Variants in PRKCA observed in about 807,000 individuals in gnomAD.
The protein encoded by PRKCA is protein kinase C alpha type.
PRKCA carries 27 observed loss-of-function variants against 87.0 expected under a neutral mutation model. That is an observed-to-expected ratio of 0.31 (90% CI 0.23 to 0.43). PRKCA has a LOEUF of 0.43. PRKCA is among the 20% of genes least tolerant of loss of function. The probability of loss-of-function intolerance (pLI) is 1.00; values close to 1 mark genes in which losing one functional copy is unlikely to be tolerated. For synonymous variants in PRKCA, 329 were observed against 311.1 expected (o/e 1.06, Z -0.61); for missense variants, 518 against 852.3 (o/e 0.61, Z 4.88).
chr17:66,713,460 C>G (rs1973390987), intron 8 of PRKCA, among the ~76,000 whole-genome samples: 1 of 152,132 alleles, frequency 6.6e-6, no homozygotes, highest in Admixed American at 6.5e-5. Context: ...CACCCTACTC[C>G]CACCTGCAGC....
At chr17:66,492,461 A>G (rs1357574630) in intron 2 of PRKCA, among the ~76,000 whole-genome samples, 1 of 152,230 alleles carries the variant, frequency 6.6e-6, no homozygotes, top group Non-Finnish European at 1.5e-5. Flanking sequence ...GGGATTTGAT[A>G]AGTGTGAGTT....
intron 16 of PRKCA, among the ~76,000 whole-genome samples, chr17:66,796,094 TC>T (rs1568039238): frequency 1.3e-5 from 2 of 152,120 alleles, no homozygotes; most frequent in East Asian, 1.9e-4. Flanking sequence ...GGGGTCCCAA[TC>T]CCTTAGAAAA....
At chr17:66,521,096 C>T (rs1385721862) in intron 3 of PRKCA, among the ~76,000 whole-genome samples, 2 of 151,914 alleles carry the variant, frequency 1.3e-5, no homozygotes, top group Non-Finnish European at 2.9e-5. Flanking sequence ...CAAACTGCAG[C>T]TCCAACTAAT....
intron 3 of PRKCA, among the ~76,000 whole-genome samples, chr17:66,626,661 C>T (rs62072360): frequency 0.13 from 20,075 of 151,884 alleles, 1,556 homozygotes; most frequent in African/African-American, 0.2. Context: ...TGAGCCATCA[C>T]GCCCAGCCTA....
At chr17:66,749,339 A>C (rs1359460440) in intron 13 of PRKCA, among the ~76,000 whole-genome samples, 1 of 116,292 alleles carries the variant, frequency 8.6e-6, no homozygotes, top group African/African-American at 3.3e-5. Flanking sequence ...CTCCCTTTCC[A>C]CTCTCCAATT....
At chr17:66,401,749 C>G (rs2073168159) in intron 2 of PRKCA, among the ~76,000 whole-genome samples, 1 of 152,128 alleles carries the variant, frequency 6.6e-6, no homozygotes, top group African/African-American at 2.4e-5. Flanking sequence ...AGTGGTGAGA[C>G]AGAGGGAACA....
At chr17:66,732,588 C>A in intron 8 of PRKCA, 100 bp from the exon 9 acceptor site, 2 of 1,459,976 alleles carry the variant, frequency 1.4e-6, no homozygotes, top group Non-Finnish European at 1.9e-6. Flanking sequence ...CCCCATCCCA[C>A]CTCCAAGCAA....
chr17:66,639,548 T>C (rs1310757003), intron 3 of PRKCA, among the ~76,000 whole-genome samples: 1 of 151,988 alleles, frequency 6.6e-6, no homozygotes, highest in African/African-American at 2.4e-5. Context: ...CCACCATGCC[T>C]GGGTAATTTT....
intron 3 of PRKCA, among the ~76,000 whole-genome samples, chr17:66,586,845 AG>A (rs1969612070): frequency 6.6e-6 from 1 of 152,218 alleles, no homozygotes; most frequent in Admixed American, 6.5e-5. Context: ...GGATACATAA[AG>A]AAGACCCTGT....
intron 3 of PRKCA, among the ~76,000 whole-genome samples, chr17:66,518,609 C>G (rs1003338533): frequency 2.0e-5 from 3 of 152,146 alleles, no homozygotes; most frequent in African/African-American, 4.8e-5. Context: ...AATTTTAGAC[C>G]TCCTGAAATT....
intron 2 of PRKCA, among the ~76,000 whole-genome samples, chr17:66,426,277 C>T (rs544010669): frequency 6.6e-6 from 1 of 152,150 alleles, no homozygotes; most frequent in Non-Finnish European, 1.5e-5. Flanking sequence ...AGAAGTCACG[C>T]CCTTCTGCCC....
At chr17:66,774,257 C>A (rs1974999995) in intron 14 of PRKCA, 190 bp downstream of exon 14, 1 of 1,433,082 alleles carries the variant, frequency 7.0e-7, no homozygotes, top group East Asian at 2.6e-5. Context: ...CAGAAATTAT[C>A]TCTGGTCATA....
chr17:66,702,721 T>A lies in PRKCA; in HGVS notation c.918+13674T>A, dbSNP rs565891894. Among the ~76,000 whole-genome samples the A allele has an allele frequency of 1.1e-4, 17 of 152,272 alleles. No homozygotes were observed. The South Asian group carries it at 3.5e-3, about 32-fold the overall frequency. ...TACCATTTTGTTAGTCATGCCTCTA[T>A]ACAGGGATGCCTTCTGAAAATGTAT... On this transcript the variant is annotated intron_variant, in intron 8 of 16. Transcript: ENST00000413366.
At chr17:66,318,794 G>T (rs1406949797) in intron 2 of PRKCA, among the ~76,000 whole-genome samples, 3 of 151,920 alleles carry the variant, frequency 2.0e-5, no homozygotes, top group Non-Finnish European at 2.9e-5. Context: ...GGCAGAGGTT[G>T]CAGTGAGCCA....
intron 2 of PRKCA, among the ~76,000 whole-genome samples, chr17:66,374,901 A>G (rs1909335209): frequency 6.6e-6 from 1 of 150,804 alleles, no homozygotes; most frequent in Non-Finnish European, 1.5e-5. Flanking sequence ...CCAATTTTTT[A>G]TTTGTATTTT....
chr17:66,549,939 G>A lies in PRKCA; in HGVS notation c.288+53656G>A, dbSNP rs555290098. 5.9e-5 allele frequency among the ~76,000 whole-genome samples: 9 copies of A among 152,188 alleles called. No homozygotes were observed. The South Asian group carries it at 6.2e-4, about 11-fold the overall frequency. Reference sequence around the variant, plus strand: ...TTTATGGAAATGTGAGTCACCTCTCGTCACACACCACTACCTCCTCCCCCA... The same window carrying A: ...TTTATGGAAATGTGAGTCACCTCTCATCACACACCACTACCTCCTCCCCCA... On this transcript the variant is annotated intron_variant, in intron 3 of 16. Transcript: ENST00000413366.
At chr17:66,603,782 G>T (rs9896035) in intron 3 of PRKCA, among the ~76,000 whole-genome samples, 19,076 of 152,008 alleles carry the variant, frequency 0.13, 1,513 homozygotes, top group African/African-American at 0.21. Context: ...CTCCCCTCCA[G>T]CCCCTGGTAA....
intron 2 of PRKCA, among the ~76,000 whole-genome samples, chr17:66,351,224 G>A (rs12325943): frequency 0.015 from 2,259 of 152,344 alleles, 60 homozygotes; most frequent in African/African-American, 0.052. Context: ...AAACCATGAA[G>A]TGTTAGCACT....
At chr17:66,423,015 G>T (rs545032770) in intron 2 of PRKCA, among the ~76,000 whole-genome samples, 183 of 152,252 alleles carry the variant, frequency 1.2e-3, no homozygotes, top group Non-Finnish European at 1.1e-3. Flanking sequence ...GGAGGCTGAG[G>T]CAGGAGAATC....
Sources: allele counts gnomAD v4.1 joint callset (sites outside exome capture counted in the v4.1 genomes callset), GRCh38; gene constraint gnomAD v4.1.1; transcripts MANE v1.5; gene names NCBI Gene and HGNC (gene_info 2026-07-23, HGNC 2026-07-21).